Variants in TBC1D14 observed in about 807,000 individuals in gnomAD.
TBC1D14 encodes TBC1 domain family, member 14.
TBC1D14 carries 26 observed loss-of-function variants against 79.0 expected under a neutral mutation model. The ratio of observed to expected loss-of-function variants is 0.33; its 90% CI spans 0.24 to 0.46. The LOEUF is 0.46. TBC1D14 is among the 20% of genes least tolerant of loss of function. TBC1D14 has a pLI of 1.00. For synonymous variants in TBC1D14, 394 were observed against 349.9 expected (o/e 1.13, Z -1.40); for missense variants, 769 against 887.6 (o/e 0.87, Z 1.70).
intron 2 of TBC1D14, among the ~76,000 whole-genome samples, chr4:6,963,959 G>A (rs1264489206): frequency 1.3e-5 from 2 of 152,006 alleles, no homozygotes; most frequent in Non-Finnish European, 2.9e-5. Flanking sequence ...CACCACGCCT[G>A]GCTAATTTTT....
In TBC1D14 at chr4:7,030,575, G is replaced by A. The variant is rs947694488; in HGVS notation, c.*183G>A. ...TTTTAAAGAATTAAACCAAGGCTTA[G>A]CCTTAAGCAGCTCAGTGGAAGGATG... On this transcript the variant is annotated 3_prime_UTR_variant, in exon 14 of 14. Transcript: ENST00000409757. The A allele has an allele frequency of 1.2e-5, 7 of 562,790 alleles. No individual in the cohort carries two copies. Among genetic ancestry groups the A allele is most frequent in the Non-Finnish European group, 1.9e-5 (6 of 317,988 alleles). The allele number at this position is 562,790 out of a possible 1,614,324, so 34.9% of individuals were successfully genotyped here. A position where few individuals can be genotyped will look rare whatever the true frequency, so the allele number is the denominator to read the frequency against.
chr4:6,987,420 C>T (rs951434734), intron 3 of TBC1D14: 17 of 1,281,310 alleles, frequency 1.3e-5, no homozygotes, highest in African/African-American at 3.1e-5. Flanking sequence ...CCTGTCCTGT[C>T]CTGGGCCTGC....
intron 2 of TBC1D14, chr4:6,954,407 T>C (rs11732898): frequency 0.8 from 570,270 of 717,086 alleles, 229,218 homozygotes; most frequent in East Asian, 0.98. Flanking sequence ...GAGTCTTTCC[T>C]GCGTGTAGCT....
intron 8 of TBC1D14, among the ~76,000 whole-genome samples, chr4:7,005,559 C>T (rs1255726495): frequency 2.6e-5 from 4 of 151,074 alleles, no homozygotes; most frequent in African/African-American, 9.7e-5. Context: ...ATTAGCTAGG[C>T]GTGGTGATGT....
chr4:6,964,446 G>A (rs1273404707), intron 2 of TBC1D14, among the ~76,000 whole-genome samples: 2 of 152,254 alleles, frequency 1.3e-5, no homozygotes, highest in South Asian at 2.1e-4. Flanking sequence ...GACAGACAAC[G>A]CCTCTTCAGC....
At chr4:7,025,747 C>G (rs1350339182) in intron 13 of TBC1D14, among the ~76,000 whole-genome samples, 1 of 152,202 alleles carries the variant, frequency 6.6e-6, no homozygotes, top group African/African-American at 2.4e-5. Context: ...GGGCGCGGGT[C>G]CCTCCTGGGT....
chr4:6,927,515 A>G (rs1049562263), intron 2 of TBC1D14, among the ~76,000 whole-genome samples: 9 of 152,212 alleles, frequency 5.9e-5, no homozygotes, highest in Non-Finnish European at 1.3e-4. Context: ...TAACAGAAAC[A>G]TTATCATTTC....
chr4:6,953,718 A>T (rs1312478035), intron 2 of TBC1D14, among the ~76,000 whole-genome samples: 1 of 150,642 alleles, frequency 6.6e-6, no homozygotes, highest in Non-Finnish European at 1.5e-5. Context: ...TGTCTTCAAC[A>T]GCATTTGAAG....
chr4:6,917,621 T>C (rs1182050968), intron 1 of TBC1D14, among the ~76,000 whole-genome samples: 1 of 151,990 alleles, frequency 6.6e-6, no homozygotes, highest in Admixed American at 6.6e-5. Context: ...TGGGGGTGAC[T>C]GCACAAGGCT....
At chr4:6,915,348 G>A (rs1289065517) in intron 1 of TBC1D14, among the ~76,000 whole-genome samples, 1 of 152,216 alleles carries the variant, frequency 6.6e-6, no homozygotes, top group African/African-American at 2.4e-5. Flanking sequence ...CCTGCGACCG[G>A]GGTAGGGGGT....
At chr4:6,989,802 G>A (rs1718304061) in intron 3 of TBC1D14, among the ~76,000 whole-genome samples, 2 of 152,048 alleles carry the variant, frequency 1.3e-5, no homozygotes, top group Admixed American at 1.3e-4. Context: ...CTGCCTCCCT[G>A]CCTTTTTTCT....
rs9291119 is a variant in TBC1D14, at chr4:6,915,821, G to A, written c.-18+5870G>A. Among the ~76,000 whole-genome samples, 723 of 151,982 alleles carry A rather than the reference G, an allele frequency of 4.8e-3. 4 individuals carry two copies. Among genetic ancestry groups the A allele is most frequent in the African/African-American group, 0.017 (685 of 41,482 alleles). On this transcript the variant is annotated intron_variant, in intron 1 of 13. Coordinates refer to ENST00000409757, the MANE Select transcript of TBC1D14 (RefSeq NM_020773.3). ...TGAGCTGTGTGGGCCTGACCCTTAG[G>A]ATAAGAACCCAGGCCTGGCATGGTG...
chr4:7,024,593 C>T (rs764847986), intron 12 of TBC1D14, among the ~76,000 whole-genome samples: 7 of 152,128 alleles, frequency 4.6e-5, no homozygotes, highest in East Asian at 1.9e-4. Flanking sequence ...GCTCCCAGGG[C>T]GGGGGGAACC....
chr4:6,927,379 G>A (rs1724374409), intron 2 of TBC1D14, among the ~76,000 whole-genome samples: 1 of 152,030 alleles, frequency 6.6e-6, no homozygotes, highest in Non-Finnish European at 1.5e-5. Flanking sequence ...CTATTTAATC[G>A]CTGTGGGCCT....
chr4:7,023,270 A>ACAAAG (rs1722012687), intron 12 of TBC1D14, among the ~76,000 whole-genome samples: 1 of 152,192 alleles, frequency 6.6e-6, no homozygotes, highest in Non-Finnish European at 1.5e-5. Flanking sequence ...AAAAAACAAA[A>ACAAAG]CAAAACAAAA....
intron 2 of TBC1D14, among the ~76,000 whole-genome samples, chr4:6,935,859 G>GTCTTGAAT (rs1712271058): frequency 6.6e-6 from 1 of 152,104 alleles, no homozygotes; most frequent in Non-Finnish European, 1.5e-5. Context: ...GGCCAGGCTG[G>GTCTTGAAT]TCTTGAATTC....
At chr4:7,029,762 T>TTACAG (rs1209234389) in intron 13 of TBC1D14, among the ~76,000 whole-genome samples, 6 of 151,928 alleles carry the variant, frequency 3.9e-5, no homozygotes, top group African/African-American at 4.8e-5. Context: ...GGGTCAGAGA[T>TTACAG]TACAGTGAGC....
At chr4:6,960,795 G>A (rs768518301) in intron 2 of TBC1D14, among the ~76,000 whole-genome samples, 3 of 152,172 alleles carry the variant, frequency 2.0e-5, no homozygotes, top group African/African-American at 7.2e-5. Context: ...TTCAGCCCCC[G>A]CTGCGTCTCT....
At chr4:6,951,942 A>AGG (rs1371286465) in intron 2 of TBC1D14, among the ~76,000 whole-genome samples, 2 of 152,128 alleles carry the variant, frequency 1.3e-5, no homozygotes, top group Non-Finnish European at 2.9e-5. Flanking sequence ...ACGAGGCTGC[A>AGG]GGGTCTGTAT....
Sources: gnomAD v4.1 joint callset for allele counts (sites outside exome capture counted in the v4.1 genomes callset) on GRCh38, gnomAD v4.1.1 for gene constraint, MANE v1.5 for transcripts, NCBI Gene and HGNC (gene_info 2026-07-23, HGNC 2026-07-21) for gene names.